The following ITGB6 variants were observed in gnomAD, a reference collection of about 807,000 sequenced individuals.
ITGB6 encodes integrin beta-6.
Under a neutral mutation model 84.5 loss-of-function variants are expected in ITGB6, and 80 were observed. The observed-to-expected ratio is 0.95, with a 90% CI of 0.79 to 1.14. The LOEUF (loss-of-function observed/expected upper bound fraction) is 1.14, where lower values mean the gene tolerates loss of function less well. ITGB6 is among the 50% of genes most tolerant of loss of function. The probability of loss-of-function intolerance (pLI) is 0.00; values close to 1 mark genes in which losing one functional copy is unlikely to be tolerated. For missense variants in ITGB6, 1,006 were observed against 968.0 expected (o/e 1.04, Z -0.52); for synonymous variants, 383 against 354.9 (o/e 1.08, Z -0.89).
At chr2:160,185,827 A>G (rs944564930) in intron 4 of ITGB6, among the ~76,000 whole-genome samples, 5 of 152,214 alleles carry the variant, frequency 3.3e-5, no homozygotes, top group African/African-American at 1.2e-4. Flanking sequence ...ACACATCTAC[A>G]ACCATCTGAT....
In ITGB6 at chr2:160,182,656, C is replaced by T. The variant is rs181441694; in HGVS notation, c.594-8517G>A. On this transcript the variant is annotated intron_variant, in intron 4 of 14. Coordinates refer to ENST00000283249, the MANE Select transcript of ITGB6 (RefSeq NM_000888.5). ...AAATACAGAGAAAACCACAAAGATA[C>T]TCCCCAAGAAGAGCAACTCCAAGAC... is the stretch of plus-strand genomic sequence containing the variant. Among the ~76,000 whole-genome samples the T allele has an allele frequency of 3.4e-3, 510 of 152,214 alleles. 1 individual carries two copies. Among genetic ancestry groups the T allele is most frequent in the Non-Finnish European group, 4.6e-3 (315 of 68,012 alleles).
chr2:160,148,089 A>AAT (rs1262849067), intron 7 of ITGB6, among the ~76,000 whole-genome samples: 1 of 152,238 alleles, frequency 6.6e-6, no homozygotes, highest in Non-Finnish European at 1.5e-5. Flanking sequence ...CTATTACCAA[A>AAT]ATATACAAAG....
intron 12 of ITGB6, among the ~76,000 whole-genome samples, chr2:160,120,748 C>A (rs1225111704): frequency 3.1e-5 from 4 of 128,370 alleles, no homozygotes; most frequent in Non-Finnish European, 4.9e-5. Flanking sequence ...ATGAAGAGTT[C>A]ATGTCCTTTG....
intron 7 of ITGB6, among the ~76,000 whole-genome samples, chr2:160,166,960 T>G (rs1478389189): frequency 6.6e-6 from 1 of 152,236 alleles, no homozygotes; most frequent in Non-Finnish European, 1.5e-5. Flanking sequence ...AACATAAATT[T>G]TATTTGCTGC....
chr2:160,137,795 A>G lies in ITGB6; in HGVS notation c.1299T>C (p.Ile433=), dbSNP rs61748239. ...CCCCCAGCCCCACAGGCTTTATGAT[A>G]ATGTGCCTGCTTCTTCTCTCGCAGT... ...IPHCERRSRH[I]IIKPVGLGDA... is the part of the protein sequence containing the mutation. The change falls in exon 10 of 15, where the codon ATT becomes ATC. Residue 433 remains isoleucine, a synonymous_variant. Transcript: ENST00000283249. The G allele has an allele frequency of 1.2e-6, 2 of 1,613,986 alleles. No individual in the cohort carries two copies. Among genetic ancestry groups the G allele is most frequent in the Admixed American group, 1.7e-5 (1 of 59,994 alleles).
Position 160,189,468 on chromosome 2 carries a change from A to G in ITGB6, c.593+5901T>C, listed in dbSNP as rs555875372. 8.0e-3 allele frequency among the ~76,000 whole-genome samples: 1,213 copies of G among 152,326 alleles called. 19 individuals carry two copies. The highest frequency in any genetic ancestry group is 0.028 in the African/African-American group (1,169 of 41,584). Reference sequence around the variant, plus strand: ...CAACCTACTCATCTGACAAAGGGCTAATATCCAGAATCTACAATGAACTCA... The same window carrying G: ...CAACCTACTCATCTGACAAAGGGCTGATATCCAGAATCTACAATGAACTCA... On this transcript the variant is annotated intron_variant, in intron 4 of 14. Transcript: ENST00000283249.
chr2:160,165,543 C>T (rs571870777), intron 7 of ITGB6, among the ~76,000 whole-genome samples: 2 of 152,254 alleles, frequency 1.3e-5, no homozygotes, highest in East Asian at 1.9e-4. Context: ...CAATGAAAAG[C>T]TCAAAAGAAC....
chr2:160,137,823 G>A lies in ITGB6; in HGVS notation c.1271C>T (p.Pro424Leu), dbSNP rs1401813627. 8.7e-6 allele frequency: 14 copies of A among 1,613,918 alleles called. No homozygotes were observed. Among genetic ancestry groups the A allele is most frequent in the Admixed American group, 3.3e-5 (2 of 60,004 alleles). ...TASFSVTVNI[P>L]HCERRSRHII... is the part of the protein sequence containing the mutation. The stretch of plus-strand genomic sequence containing the variant: ...GTGCCTGCTTCTTCTCTCGCAGTGT[G>A]GGATATTCACAGTCACGCTGAAGGA... The change falls in exon 10 of 15, where the codon CCA (proline) becomes CTA (leucine). Residue 424 changes from proline (P) to leucine (L), a missense_variant. Coordinates refer to ENST00000283249, the MANE Select transcript of ITGB6 (RefSeq NM_000888.5).
At chr2:160,150,317 A>G (rs1346238339) in intron 7 of ITGB6, among the ~76,000 whole-genome samples, 2 of 152,232 alleles carry the variant, frequency 1.3e-5, no homozygotes, top group Non-Finnish European at 1.5e-5. Context: ...ATCCTTAAAG[A>G]AAAGAATTTT....
intron 12 of ITGB6, among the ~76,000 whole-genome samples, chr2:160,117,076 C>T (rs1339845117): frequency 6.6e-6 from 1 of 150,918 alleles, no homozygotes; most frequent in Non-Finnish European, 1.5e-5. Context: ...GAGACTTTAA[C>T]ACCCCACTGT....
At chr2:160,174,630 A>G (rs1340542158) in intron 4 of ITGB6, among the ~76,000 whole-genome samples, 3 of 152,168 alleles carry the variant, frequency 2.0e-5, no homozygotes, top group Non-Finnish European at 2.9e-5. Context: ...TTGTAGCAGC[A>G]TTCTTGATTT....
intron 7 of ITGB6, among the ~76,000 whole-genome samples, chr2:160,149,071 T>C (rs922584285): frequency 3.3e-5 from 5 of 152,236 alleles, no homozygotes; most frequent in Admixed American, 6.5e-5. Flanking sequence ...AACGTCCCTG[T>C]CTGACAGCTC....
chr2:160,160,778 T>C (rs996967694), intron 7 of ITGB6, among the ~76,000 whole-genome samples: 3 of 152,132 alleles, frequency 2.0e-5, no homozygotes, highest in Admixed American at 6.6e-5. Context: ...CCCTTCAAAC[T>C]TACAGTCCGG....
chr2:160,152,972 T>C (rs1231487286), intron 7 of ITGB6, among the ~76,000 whole-genome samples: 46 of 152,182 alleles, frequency 3.0e-4, no homozygotes, highest in Non-Finnish European at 5.9e-5. Context: ...TCCATGCTCA[T>C]AGATAGGAAG....
At chr2:160,110,955 C>G (rs543546148) in intron 13 of ITGB6, among the ~76,000 whole-genome samples, 109 of 152,268 alleles carry the variant, frequency 7.2e-4, no homozygotes, top group African/African-American at 2.6e-3. Flanking sequence ...GTTATGTTTC[C>G]CCTCACTTTT....
rs959991214 is a variant in ITGB6, at chr2:160,200,146, T to C, written c.-83A>G. On this transcript the variant is annotated 5_prime_UTR_variant, in exon 1 of 15. Transcript: ENST00000283249. ...AGACCAACGCTGAATATCGTTAAAGTCTTTCTTTCTTGAAGTATAACATTT... is the reference window on the plus strand; with the variant it reads ...AGACCAACGCTGAATATCGTTAAAGCCTTTCTTTCTTGAAGTATAACATTT... 24 of 1,058,974 alleles carry C rather than the reference T, an allele frequency of 2.3e-5. No homozygotes were observed. In the African/African-American group the frequency reaches 3.5e-4, roughly 15 times the overall value. 65.6% of individuals were successfully genotyped at this position (1,058,974 alleles called of 1,614,324 possible).
chr2:160,120,247 G>A (rs1023417292), intron 12 of ITGB6, among the ~76,000 whole-genome samples: 1 of 150,804 alleles, frequency 6.6e-6, no homozygotes, highest in Non-Finnish European at 1.5e-5. Context: ...ATTTACAATA[G>A]CAAAGACTTG....
intron 11 of ITGB6, among the ~76,000 whole-genome samples, chr2:160,125,742 C>T (rs1683213085): frequency 6.6e-6 from 1 of 152,178 alleles, no homozygotes; most frequent in Non-Finnish European, 1.5e-5. Flanking sequence ...TTCACTTGAC[C>T]TACAAATGTG....
At chr2:160,160,406 G>GA (rs1321867066) in intron 7 of ITGB6, among the ~76,000 whole-genome samples, 2 of 152,100 alleles carry the variant, frequency 1.3e-5, no homozygotes, top group Non-Finnish European at 2.9e-5. Context: ...AAACTCTATA[G>GA]AAAAAAGTGT....
Sources: gnomAD v4.1 joint callset for allele counts (sites outside exome capture counted in the v4.1 genomes callset) on GRCh38, gnomAD v4.1.1 for gene constraint, MANE v1.5 for transcripts, NCBI Gene and HGNC (gene_info 2026-07-23, HGNC 2026-07-21) for gene names.